C17orf75: variants seen among roughly 807,000 people sequenced by gnomAD.
C17orf75 encodes the protein protein Njmu-R1.
Under a neutral mutation model 49.6 loss-of-function variants are expected in C17orf75, and 32 were observed. The observed-to-expected ratio is 0.65, with a 90% CI of 0.49 to 0.87. The LOEUF is 0.87. Among genes scored for constraint, C17orf75 ranks in the 40% least tolerant of loss-of-function variants. The probability of loss-of-function intolerance (pLI) is 0.00; values close to 1 mark genes in which losing one functional copy is unlikely to be tolerated. For missense variants in C17orf75, 428 were observed against 473.9 expected (o/e 0.90, Z 0.90); for synonymous variants, 158 against 159.5 (o/e 0.99, Z 0.07).
At chr17:32,338,108 CGAG>C (rs1256899766) in intron 4 of C17orf75, 97 bp downstream of exon 4, 1 of 1,542,504 alleles carries the variant, frequency 6.5e-7, no homozygotes, top group Non-Finnish European at 8.8e-7. Context: ...ACTAAATACA[CGAG>C]GAGTAGAAAA....
rs778272877 is a variant in C17orf75 at position 32,331,559 on chromosome 17, C to T, written c.*204G>A. 1.6e-4 allele frequency: 79 copies of T among 479,854 alleles called. No individual in the cohort carries two copies. Among genetic ancestry groups the T allele is most frequent in the Non-Finnish European group, 2.5e-4 (68 of 273,586 alleles). 29.7% of individuals were successfully genotyped at this position (479,854 alleles called of 1,614,324 possible). ...CCAGTGAGACACTAAAATTTCACAACTCTCACATACATTATCTATCTAGGA... is the reference window on the plus strand; with the variant it reads ...CCAGTGAGACACTAAAATTTCACAATTCTCACATACATTATCTATCTAGGA... On this transcript the variant is annotated 3_prime_UTR_variant, in exon 10 of 10. Coordinates refer to ENST00000577809, the MANE Select transcript of C17orf75 (RefSeq NM_022344.4).
chr17:32,334,391 G>A (rs2041305253), intron 8 of C17orf75, 78 bp downstream of exon 8: 5 of 1,489,152 alleles, frequency 3.4e-6, no homozygotes, highest in Non-Finnish European at 4.5e-6. Flanking sequence ...GAAGAATAAG[G>A]TTGTATCATA....
chr17:32,342,394 G>A, upstream of C17orf75: 1 of 411,244 alleles, frequency 2.4e-6, no homozygotes. Context: ...AGACATCTGG[G>A]AAACTTTCTA....
chr17:32,335,205 A>G, intron 6 of C17orf75, 118 bp downstream of exon 6: 1 of 1,255,134 alleles, frequency 8.0e-7, no homozygotes, highest in East Asian at 2.4e-5. Context: ...TCTTGATAGC[A>G]AGCATAGTTT....
upstream of C17orf75, among the ~76,000 whole-genome samples, chr17:32,344,604 A>G (rs921187168): frequency 2.3e-4 from 34 of 146,096 alleles, no homozygotes; most frequent in South Asian, 6.6e-4. Context: ...AAAAAAAAAA[A>G]AAAGAAAGAA....
intron 2 of C17orf75, among the ~76,000 whole-genome samples, chr17:32,340,630 G>A (rs2041369849): frequency 6.6e-6 from 1 of 151,412 alleles, no homozygotes; most frequent in Non-Finnish European, 1.5e-5. Flanking sequence ...GGGCAACAGA[G>A]GGAGACTCTG....
At chr17:32,342,928 A>C (rs1164292163), upstream of C17orf75, among the ~76,000 whole-genome samples, 6 of 152,228 alleles carry the variant, frequency 3.9e-5, no homozygotes, top group African/African-American at 1.4e-4. Flanking sequence ...TTTCTGTCTC[A>C]GTCCATTTTA....
chr17:32,348,420 T>C (rs1215690219), intron 1 of C17orf75, among the ~76,000 whole-genome samples: 2 of 152,112 alleles, frequency 1.3e-5, no homozygotes, highest in Non-Finnish European at 2.9e-5. Context: ...TTTTATCTCA[T>C]CTCTATTAAC....
At position 32,329,712 on chromosome 17, in the gene C17orf75, C is replaced by G. The variant is rs1161168378; in HGVS notation, c.*2051G>C. On this transcript the variant is annotated 3_prime_UTR_variant, in exon 10 of 10. Coordinates refer to ENST00000577809, the MANE Select transcript of C17orf75 (RefSeq NM_022344.4). Reference sequence around the variant, plus strand: ...TGAATTTGAAAATGAAGTATTTTTTCAGACTTAAAACGTTGATGTGCTAAT... The same window carrying G: ...TGAATTTGAAAATGAAGTATTTTTTGAGACTTAAAACGTTGATGTGCTAAT... 6.6e-6 allele frequency: 1 copy of G among 152,058 alleles called. No individual in the cohort carries two copies. Among genetic ancestry groups the G allele is most frequent in the Admixed American group, 6.6e-5 (1 of 15,260 alleles). The allele number at this position is 152,058 out of a possible 1,614,324, so 9.4% of individuals were successfully genotyped here. A position where few individuals can be genotyped will look rare whatever the true frequency, so the allele number is the denominator to read the frequency against.
At chr17:32,349,192 T>C (rs1326700433) in intron 1 of C17orf75, among the ~76,000 whole-genome samples, 1 of 152,080 alleles carries the variant, frequency 6.6e-6, no homozygotes, top group Non-Finnish European at 1.5e-5. Context: ...TTACCACGAT[T>C]AGTTTTTCAC....
chr17:32,338,666 C>T (rs2041349554), intron 3 of C17orf75, among the ~76,000 whole-genome samples: 1 of 152,142 alleles, frequency 6.6e-6, no homozygotes, highest in African/African-American at 2.4e-5. Context: ...TATGTTCTCC[C>T]CTCTCCCAAA....
Position 32,337,422 on chromosome 17 carries a change from C to A in C17orf75, c.549+475G>T, listed in dbSNP as rs370422870. 3.3e-5 allele frequency among the ~76,000 whole-genome samples: 5 copies of A among 151,594 alleles called. No homozygotes were observed. The East Asian group carries it at 9.7e-4, about 30-fold the overall frequency. ...GAGGCTGCAGTGAGCCTGATCGCGCCACTGCCCTGCAGCCTGGGCAACAAA... is the reference window on the plus strand; with the variant it reads ...GAGGCTGCAGTGAGCCTGATCGCGCAACTGCCCTGCAGCCTGGGCAACAAA... On this transcript the variant is annotated intron_variant, in intron 5 of 9. Transcript: ENST00000577809.
intron 5 of C17orf75, among the ~76,000 whole-genome samples, chr17:32,337,295 C>T (rs183805961): frequency 7.2e-5 from 11 of 151,918 alleles, no homozygotes; most frequent in Admixed American, 1.3e-4. Flanking sequence ...ATCCCCATCT[C>T]GACAAAAAAT....
In C17orf75 at chr17:32,337,973, AAT is replaced by A; in HGVS notation, c.492-21_492-20del. On this transcript the variant is annotated intron_variant, in intron 4 of 9. Coordinates refer to ENST00000577809, the MANE Select transcript of C17orf75 (RefSeq NM_022344.4). ...CCTGAAAGTATGTTCTTAAGGAAGC[AAT>A]AAAGGATGAATAATGAAGACAGTAT... 6.3e-7 allele frequency: 1 copy of A among 1,591,970 alleles called. No homozygotes were observed. Among genetic ancestry groups the A allele is most frequent in the East Asian group, 2.2e-5 (1 of 44,572 alleles).
In C17orf75 at chr17:32,334,781, A is replaced by C. The variant is rs1215631899; in HGVS notation, c.728T>G (p.Ile243Ser). 4 of 1,603,340 alleles carry C rather than the reference A, an allele frequency of 2.5e-6. No individual in the cohort carries two copies. The highest frequency in any genetic ancestry group is 3.4e-6 in the Non-Finnish European group (4 of 1,173,824). The change falls in exon 7 of 10, where the codon ATT becomes AGT. Residue 243 changes from isoleucine to serine, a missense_variant. By Grantham distance (142) the Ile-to-Ser change is moderately radical (BLOSUM62 -2). Coordinates refer to ENST00000577809, the MANE Select transcript of C17orf75 (RefSeq NM_022344.4). ...TGAAAAAACTGTTCTTTACCTGTTAATGTCTCTCTTTGTTTTTTCATCTGA... is the reference window on the plus strand; with the variant it reads ...TGAAAAAACTGTTCTTTACCTGTTACTGTCTCTCTTTGTTTTTTCATCTGA... ...KESDEKTKRD[I>S]NRFLSVASLQ...
rs563521046 is a variant in C17orf75 at position 32,349,947 on chromosome 17, G to A, written c.-12C>T. 9 of 1,130,236 alleles carry A rather than the reference G, an allele frequency of 8.0e-6. 1 individual carries two copies. In the Admixed American group the frequency reaches 1.8e-4, roughly 22 times the overall value. The allele number at this position is 1,130,236 out of a possible 1,614,324, so 70.0% of individuals were successfully genotyped here. A position where few individuals can be genotyped will look rare whatever the true frequency, so the allele number is the denominator to read the frequency against. The stretch of plus-strand genomic sequence containing the variant: ...TCGCATGCCCCTTAGCGTACCTGGG[G>A]CTCCGGCTCCTTTACAAATGAAACC... On this transcript the variant is annotated 5_prime_UTR_variant, in exon 1 of 9. Coordinates refer to the C17orf75 transcript ENST00000583774.
chr17:32,337,878 A>G lies in C17orf75; in HGVS notation c.549+19T>C, dbSNP rs376910172. 1.6e-4 allele frequency: 249 copies of G among 1,596,856 alleles called. No individual in the cohort carries two copies. The highest frequency in any genetic ancestry group is 2.8e-4 in the Admixed American group (16 of 57,488). On this transcript the variant is annotated intron_variant, in intron 5 of 9. Coordinates refer to ENST00000577809, the MANE Select transcript of C17orf75 (RefSeq NM_022344.4). ...GGCCCCATTTCAGTCTTTAAAAACC[A>G]TTAAGTCAGTCACCTTACCTCACAA...
chr17:32,341,402 G>C (rs751639966), intron 1 of C17orf75, 118 bp from the exon 2 acceptor site: 1 of 951,612 alleles, frequency 1.1e-6, no homozygotes, highest in Non-Finnish European at 1.7e-6. Flanking sequence ...AGGTGGAAGT[G>C]CACTGCCTAT....
chr17:32,336,111 C>T (rs998509280), intron 5 of C17orf75, among the ~76,000 whole-genome samples: 1 of 152,216 alleles, frequency 6.6e-6, no homozygotes, highest in Non-Finnish European at 1.5e-5. Flanking sequence ...CTCTCTCCTG[C>T]AGTATCTTCT....
Sources: allele counts gnomAD v4.1 joint callset (sites outside exome capture counted in the v4.1 genomes callset), GRCh38; gene constraint gnomAD v4.1.1; transcripts MANE v1.5; gene names NCBI Gene and HGNC (gene_info 2026-07-23, HGNC 2026-07-21).